The following TEK variants were observed in gnomAD, a reference collection of about 807,000 sequenced individuals.
The protein encoded by TEK is TEK receptor tyrosine kinase.
TEK carries 43 observed loss-of-function variants against 131.8 expected under a neutral mutation model. The ratio of observed to expected loss-of-function variants is 0.33; its 90% confidence interval spans 0.26 to 0.42. The LOEUF (loss-of-function observed/expected upper bound fraction) is 0.42. Among genes scored for constraint, TEK ranks in the 10% least tolerant of loss-of-function variants. TEK has a pLI of 1.00. For missense variants in TEK, 1,162 were observed against 1,384.4 expected, an observed-to-expected ratio of 0.84 and a Z score of 2.55; for synonymous variants, 580 against 491.6, an observed-to-expected ratio of 1.18 and a Z score of -2.38.
At chr9:27,223,027 G>GT (rs2131254470) in intron 21 of TEK, among the ~76,000 whole-genome samples, 1 of 152,180 alleles carries the variant, frequency 6.6e-6, no homozygotes, top group Admixed American at 6.5e-5. Context: ...GACAAAGAAG[G>GT]ACATTACATA....
At chr9:27,164,349 TCAC>T (rs1823649919) in intron 2 of TEK, among the ~76,000 whole-genome samples, 1 of 148,938 alleles carries the variant, frequency 6.7e-6, no homozygotes, top group African/African-American at 2.5e-5. Flanking sequence ...AGATGGAGTC[TCAC>T]TCTGTCACTG....
Position 27,226,907 on chromosome 9 carries a change from A to G in TEK, c.3201-1299A>G, listed in dbSNP as rs904409052. On this transcript the variant is annotated intron_variant, in intron 21 of 22. Transcript: ENST00000380036. ...CTGCAAGGCTCTAGGTTGAGCAGAT[A>G]ATTTATTGTCTAAATGGAGCTACTT... Among the ~76,000 whole-genome samples, 6 of 152,204 alleles carry G rather than the reference A, an allele frequency of 3.9e-5. No homozygotes were observed. In the South Asian group the frequency reaches 8.3e-4, roughly 21 times the overall value.
At chr9:27,155,121 T>C (rs1447123343) in intron 1 of TEK, among the ~76,000 whole-genome samples, 1 of 152,198 alleles carries the variant, frequency 6.6e-6, no homozygotes. Flanking sequence ...TTCCTTCCTC[T>C]TGATGACTCT....
At chr9:27,220,605 C>T (rs146758942) in intron 21 of TEK, among the ~76,000 whole-genome samples, 8 of 152,196 alleles carry the variant, frequency 5.3e-5, no homozygotes, top group Non-Finnish European at 1.2e-4. Flanking sequence ...CTGAGGTACC[C>T]GGCTCATCTC....
At chr9:27,154,432 C>T (rs889074983) in intron 1 of TEK, among the ~76,000 whole-genome samples, 3 of 152,086 alleles carry the variant, frequency 2.0e-5, no homozygotes, top group African/African-American at 7.2e-5. Context: ...CTTTTTTTTA[C>T]GTTTAATTTT....
chr9:27,224,691 C>G (rs187846559), intron 21 of TEK, among the ~76,000 whole-genome samples: 1 of 152,082 alleles, frequency 6.6e-6, no homozygotes, highest in African/African-American at 2.4e-5. Flanking sequence ...CTTTGAAAAC[C>G]GGCATAAGAC....
intron 1 of TEK, among the ~76,000 whole-genome samples, chr9:27,155,449 C>A (rs1438357615): frequency 1.3e-5 from 2 of 152,188 alleles, no homozygotes; most frequent in African/African-American, 4.8e-5. Context: ...CAATAAAATG[C>A]AGGTGTAACT....
intron 1 of TEK, among the ~76,000 whole-genome samples, chr9:27,121,405 A>C (rs1274116171): frequency 6.6e-6 from 1 of 151,710 alleles, no homozygotes; most frequent in Non-Finnish European, 1.5e-5. Flanking sequence ...TGTTGTATAT[A>C]TTACTGCTGG....
rs1376739285 is a variant in TEK, at chr9:27,228,148, C to A, written c.3201-58C>A. ...TTCATTCTCTCCTCTCTTTTCCTGC[C>A]GTGCCTAGGACTGAAGCACAGTTAT... On this transcript the variant is annotated intron_variant, in intron 21 of 22. Coordinates refer to ENST00000380036, the MANE Select transcript of TEK (RefSeq NM_000459.5). 4.3e-6 allele frequency: 6 copies of A among 1,410,536 alleles called. No individual in the cohort carries two copies. The African/African-American group carries it at 7.1e-5, about 17-fold the overall frequency. The allele number at this position is 1,410,536 out of a possible 1,614,324, so 87.4% of individuals were successfully genotyped here. A position where few individuals can be genotyped will look rare whatever the true frequency, so the allele number is the denominator to read the frequency against.
In TEK at chr9:27,197,487, G is replaced by A. The variant is rs779841704; in HGVS notation, c.1797G>A (p.Ser599=). The change falls in exon 12 of 23, where the codon TCG becomes TCA. Residue 599 remains serine (S), a synonymous_variant. Transcript: ENST00000380036. ...QNIKVPGNLT[S]VLLNNLHPRE... is the part of the protein sequence containing the mutation. ...TTAAAGTTCCAGGCAACTTGACTTC[G>A]GTGCTACTTAACAACTTACATCCCA... 1.1e-5 allele frequency: 17 copies of A among 1,613,856 alleles called. No homozygotes were observed. Among genetic ancestry groups the A allele is most frequent in the African/African-American group, 2.7e-5 (2 of 74,844 alleles).
intron 7 of TEK, among the ~76,000 whole-genome samples, chr9:27,182,865 A>T (rs895673896): frequency 6.6e-6 from 1 of 152,142 alleles, no homozygotes; most frequent in Non-Finnish European, 1.5e-5. Context: ...TGTTGAGTGG[A>T]TACTGATTTG....
intron 13 of TEK, among the ~76,000 whole-genome samples, chr9:27,204,544 G>T (rs368197616): frequency 2.6e-5 from 4 of 151,940 alleles, no homozygotes; most frequent in African/African-American, 9.7e-5. Flanking sequence ...GGTTTAGGGA[G>T]GTTTAGTCAC....
At chr9:27,200,932 G>A (rs1825192641) in intron 12 of TEK, among the ~76,000 whole-genome samples, 1 of 152,054 alleles carries the variant, frequency 6.6e-6, no homozygotes, top group African/African-American at 2.4e-5. Context: ...TACGGCATGG[G>A]GATTAGGATT....
intron 7 of TEK, among the ~76,000 whole-genome samples, chr9:27,182,577 G>A (rs1436459327): frequency 2.0e-5 from 3 of 151,988 alleles, no homozygotes; most frequent in Non-Finnish European, 4.4e-5. Flanking sequence ...TCCCACCACC[G>A]ATAAGAAACA....
intron 12 of TEK, among the ~76,000 whole-genome samples, chr9:27,198,857 G>A (rs1825117238): frequency 6.6e-6 from 1 of 152,104 alleles, no homozygotes; most frequent in African/African-American, 2.4e-5. Context: ...GGTGAGCAGT[G>A]GTGCCATTAT....
At chr9:27,121,869 A>C (rs1033906394) in intron 1 of TEK, among the ~76,000 whole-genome samples, 3 of 152,260 alleles carry the variant, frequency 2.0e-5, no homozygotes, top group African/African-American at 7.2e-5. Flanking sequence ...TATCCAAAGA[A>C]ATAACAAAAG....
At chr9:27,195,701 G>A (rs1322405237) in intron 11 of TEK, 1 of 455,962 alleles carries the variant, frequency 2.2e-6, no homozygotes, top group Admixed American at 2.3e-5. Flanking sequence ...AAAGAAGGAA[G>A]GGAGGGAGGA....
intron 1 of TEK, among the ~76,000 whole-genome samples, chr9:27,154,055 A>C (rs1823231531): frequency 6.6e-6 from 1 of 152,162 alleles, no homozygotes; most frequent in Non-Finnish European, 1.5e-5. Context: ...TGAAATTTGG[A>C]GTAGATATAG....
intron 1 of TEK, among the ~76,000 whole-genome samples, chr9:27,139,578 C>A (rs1318586847): frequency 2.6e-5 from 4 of 151,984 alleles, no homozygotes; most frequent in African/African-American, 4.8e-5. Flanking sequence ...CCCACCTCGG[C>A]CTCCCAAAGT....
Sources: allele counts gnomAD v4.1 joint callset (sites outside exome capture counted in the v4.1 genomes callset), GRCh38; gene constraint gnomAD v4.1.1; transcripts MANE v1.5; gene names NCBI Gene and HGNC (gene_info 2026-07-23, HGNC 2026-07-21).